Variants in UNC79 observed in about 807,000 individuals in gnomAD.
The protein encoded by UNC79 is unc-79 subunit of NALCN channel complex.
A neutral mutation model predicts 283.1 loss-of-function variants in UNC79; 37 were observed. The observed-to-expected ratio is 0.13, with a 90% CI of 0.10 to 0.17. UNC79 has a LOEUF of 0.17. Among genes scored for constraint, UNC79 ranks in the 10% least tolerant of loss-of-function variants. The pLI is 1.00. For missense variants in UNC79, 2,272 were observed against 3,211.1 expected (o/e 0.71, Z 7.07); for synonymous variants, 1,107 against 1,200.2 (o/e 0.92, Z 1.61).
chr14:93,704,864 CCTA>C (rs1229801811), intron 48 of UNC79, among the ~76,000 whole-genome samples, 198 bp downstream of exon 51: 1 of 152,090 alleles, frequency 6.6e-6, no homozygotes, highest in African/African-American at 2.4e-5. Context: ...GAACCATTGT[CCTA>C]CTGCTTGAGG....
intron 14 of UNC79, among the ~76,000 whole-genome samples, chr14:93,544,572 T>C (rs1172250180): frequency 6.6e-6 from 1 of 152,224 alleles, no homozygotes; most frequent in African/African-American, 2.4e-5. Context: ...TGTAGGGTTT[T>C]GGTGGATAAC....
chr14:93,391,326 T>G (rs2054878283), intron 1 of UNC79, among the ~76,000 whole-genome samples: 1 of 152,106 alleles, frequency 6.6e-6, no homozygotes, highest in African/African-American at 2.4e-5. Flanking sequence ...CAGCCAGACA[T>G]CAATTCCACG....
chr14:93,567,585 C>T (rs972448556), intron 14 of UNC79, among the ~76,000 whole-genome samples: 5 of 152,190 alleles, frequency 3.3e-5, no homozygotes, highest in African/African-American at 9.6e-5. Flanking sequence ...TCTTCCACCA[C>T]GTGGCTATGC....
At chr14:93,603,636 T>C (rs2065671743) in intron 26 of UNC79, among the ~76,000 whole-genome samples, 1 of 152,120 alleles carries the variant, frequency 6.6e-6, no homozygotes, top group Non-Finnish European at 1.5e-5. Context: ...GATCCAACAG[T>C]AGATGTTTTT....
intron 20 of UNC79, among the ~76,000 whole-genome samples, chr14:93,584,863 G>GT (rs750489858): frequency 0.013 from 1,794 of 140,092 alleles, 39 homozygotes; most frequent in East Asian, 0.097. Context: ...CTCTGGCTAA[G>GT]TTTTTTTTTT....
chr14:93,615,342 A>G (rs1266184441), intron 27 of UNC79, among the ~76,000 whole-genome samples: 1 of 152,138 alleles, frequency 6.6e-6, no homozygotes, highest in East Asian at 1.9e-4. Flanking sequence ...GCTTTTTCTC[A>G]GCTGTCACTG....
chr14:93,464,683 C>G, intron 1 of UNC79: 1 of 440,646 alleles, frequency 2.3e-6, no homozygotes, highest in South Asian at 1.6e-5. Context: ...AAGGAGCTTA[C>G]TAGAGAAATG....
chr14:93,532,647 A>G, intron 11 of UNC79, 69 bp downstream of exon 11: 1 of 1,589,082 alleles, frequency 6.3e-7, no homozygotes, highest in South Asian at 1.1e-5. Context: ...ATTTATTGAC[A>G]TCTGCCTCAT....
chr14:93,492,588 A>G (rs1234102004), intron 5 of UNC79, among the ~76,000 whole-genome samples: 1 of 152,182 alleles, frequency 6.6e-6, no homozygotes, highest in Non-Finnish European at 1.5e-5. Flanking sequence ...TCCTGACCTC[A>G]AGTGATCCGC....
chr14:93,582,303 G>A lies in UNC79; in HGVS notation c.2762G>A (p.Gly921Glu), dbSNP rs144822639. 7 of 1,614,166 alleles carry A rather than the reference G, an allele frequency of 4.3e-6. No individual in the cohort carries two copies. In the Admixed American group the frequency reaches 6.7e-5, roughly 15 times the overall value. ...GAGGAGAATCCTGCAAGCAAGCATG[G>A]GGAGAACCCAGGCAACTGCACCGAG... The change falls in exon 20 of 49, where the codon GGG becomes GAG. Residue 921 changes from glycine (G) to glutamate (E), a missense_variant. Around this residue, in one of 11 missense-constraint regions of UNC79, gnomAD observed 356 missense variants for 416.2 expected, o/e 0.86. Coordinates refer to ENST00000555664, the Ensembl canonical transcript of UNC79.
intron 7 of UNC79, among the ~76,000 whole-genome samples, chr14:93,503,152 T>C (rs907238288): frequency 1.3e-5 from 2 of 152,138 alleles, no homozygotes; most frequent in African/African-American, 4.8e-5. Context: ...TTTAGAATTT[T>C]ATAAAAATGG....
chr14:93,457,328 G>A (rs1399953141), intron 1 of UNC79, among the ~76,000 whole-genome samples: 3 of 152,226 alleles, frequency 2.0e-5, no homozygotes, highest in Non-Finnish European at 4.4e-5. Context: ...ATTGATAAAT[G>A]CCATCCATGA....
chr14:93,654,464 C>T (rs1054321872), intron 37 of UNC79, among the ~76,000 whole-genome samples: 4 of 148,500 alleles, frequency 2.7e-5, no homozygotes, highest in Non-Finnish European at 6.1e-5. Flanking sequence ...ACATTACACT[C>T]CAAGTTGTAA....
rs561850993 is a variant in UNC79 at position 93,383,493 on chromosome 14, G to A, written c.-351+49970G>A. On this transcript the variant is annotated intron_variant, in intron 1 of 49. Coordinates refer to the UNC79 transcript ENST00000256339. ...TATGAAAGGTAGGTTTACGCTATGCGATAGTCTGTTAACTGCACAATAGCA... is the reference window on the plus strand; with the variant it reads ...TATGAAAGGTAGGTTTACGCTATGCAATAGTCTGTTAACTGCACAATAGCA... Among the ~76,000 whole-genome samples, 87 of 152,282 alleles carry A rather than the reference G, an allele frequency of 5.7e-4. No individual in the cohort carries two copies. In the South Asian group the frequency reaches 0.016, roughly 28 times the overall value.
chr14:93,362,048 C>T (rs1445610031), intron 1 of UNC79, among the ~76,000 whole-genome samples: 3 of 152,044 alleles, frequency 2.0e-5, no homozygotes, highest in South Asian at 2.1e-4. Flanking sequence ...TACATAATCA[C>T]GATGGATTTG....
intron 1 of UNC79, among the ~76,000 whole-genome samples, chr14:93,416,918 T>C (rs2055473980): frequency 6.6e-6 from 1 of 152,226 alleles, no homozygotes; most frequent in South Asian, 2.1e-4. Context: ...TGTGTGTCTC[T>C]GCACGTGAGA....
At chr14:93,497,932 G>A (rs1022702783) in intron 7 of UNC79, among the ~76,000 whole-genome samples, 2 of 151,944 alleles carry the variant, frequency 1.3e-5, no homozygotes, top group African/African-American at 4.8e-5. Flanking sequence ...ATTGCAATGG[G>A]CCAAGATCGC....
chr14:93,344,860 C>T (rs2053790994), intron 1 of UNC79, among the ~76,000 whole-genome samples: 1 of 152,118 alleles, frequency 6.6e-6, no homozygotes, highest in Non-Finnish European at 1.5e-5. Flanking sequence ...CATGCAGGTC[C>T]TTGATTGGTT....
At chr14:93,441,182 C>T (rs139115189) in intron 1 of UNC79, among the ~76,000 whole-genome samples, 8 of 152,122 alleles carry the variant, frequency 5.3e-5, no homozygotes, top group Non-Finnish European at 1.2e-4. Flanking sequence ...TTATAAAGGG[C>T]ACTTCTTTAT....
Sources: allele counts gnomAD v4.1 joint callset (sites outside exome capture counted in the v4.1 genomes callset), GRCh38; gene constraint gnomAD v4.1.1; regional missense constraint gnomAD v4.1.1; transcripts MANE v1.5; gene names NCBI Gene and HGNC (gene_info 2026-07-23, HGNC 2026-07-21).